Variants in SHISA5 observed in about 807,000 individuals in gnomAD.
The protein encoded by SHISA5 is shisa family member 5.
SHISA5 carries 21 observed loss-of-function variants against 27.5 expected under a neutral mutation model. The observed-to-expected ratio is 0.76, with a 90% CI of 0.54 to 1.10. The LOEUF (loss-of-function observed/expected upper bound fraction) is 1.10, where lower values mean the gene tolerates loss of function less well. Ranked by LOEUF, SHISA5 falls within the 50% of genes least tolerant of loss-of-function variation. The pLI is 0.00. For synonymous variants in SHISA5, 137 were observed against 142.2 expected (o/e 0.96, Z 0.26); for missense variants, 314 against 336.3 (o/e 0.93, Z 0.52).
Position 48,468,431 on chromosome 3 carries a change from A to G in SHISA5, c.*676T>C. 4 of 1,127,584 alleles carry G rather than the reference A, an allele frequency of 3.5e-6. No individual in the cohort carries two copies. The South Asian group carries it at 8.4e-5, about 24-fold the overall frequency. The allele number at this position is 1,127,584 out of a possible 1,614,324, so 69.8% of individuals were successfully genotyped here. ...CCCAGGGGAGATGCGGGGACAGGGG[A>G]CAGTCCAGGCAGACAGGTACAGCTG... On this transcript the variant is annotated 3_prime_UTR_variant, in exon 6 of 6. Coordinates refer to ENST00000296444, the MANE Select transcript of SHISA5 (RefSeq NM_016479.6).
At chr3:48,482,660 G>C (rs2041062032) in intron 2 of SHISA5, among the ~76,000 whole-genome samples, 1 of 151,622 alleles carries the variant, frequency 6.6e-6, no homozygotes, top group Admixed American at 6.6e-5. Flanking sequence ...TTGAGACAGA[G>C]TCTCGTCTCT....
chr3:48,489,285 G>T (rs2041348292), intron 2 of SHISA5, among the ~76,000 whole-genome samples: 1 of 150,874 alleles, frequency 6.6e-6, no homozygotes, highest in Non-Finnish European at 1.5e-5. Context: ...GTGGCCCAGA[G>T]AAGGCAAAAG....
chr3:48,473,380 C>A lies in SHISA5; in HGVS notation c.315-3537G>T. 2.2e-6 allele frequency: 3 copies of A among 1,335,346 alleles called. No homozygotes were observed. Among genetic ancestry groups the A allele is most frequent in the South Asian group, 2.5e-5 (2 of 81,300 alleles). The allele number at this position is 1,335,346 out of a possible 1,614,324, so 82.7% of individuals were successfully genotyped here. A position where few individuals can be genotyped will look rare whatever the true frequency, so the allele number is the denominator to read the frequency against. On this transcript the variant is annotated intron_variant, in intron 3 of 5. Transcript: ENST00000296444. This position sits in a 1 kb window ranked among gnomAD's most constrained non-coding sequence, Gnocchi z 4.3. ...AAGAGCCACCCCAGCCTCAGTGGGCCCCAACCACACTCTAGCTCAGCAGCA... is the reference window on the plus strand; with the variant it reads ...AAGAGCCACCCCAGCCTCAGTGGGCACCAACCACACTCTAGCTCAGCAGCA...
intron 2 of SHISA5, chr3:48,479,524 A>G: frequency 2.0e-6 from 1 of 503,604 alleles, no homozygotes; most frequent in East Asian, 3.0e-5. Flanking sequence ...GATACCATAC[A>G]AAGGATCTTC....
At chr3:48,487,322 A>G (rs150828832) in intron 2 of SHISA5, among the ~76,000 whole-genome samples, 342 of 152,268 alleles carry the variant, frequency 2.2e-3, no homozygotes, top group African/African-American at 7.7e-3. Flanking sequence ...ATAATGTTTT[A>G]TGTATTTTAT....
rs1560138388 is a variant in SHISA5 at position 48,504,119 on chromosome 3, G to A, written c.-25C>T. On this transcript the variant is annotated 5_prime_UTR_variant, in exon 1 of 6. Coordinates refer to ENST00000296444, the MANE Select transcript of SHISA5 (RefSeq NM_016479.6). This position sits in a 1 kb window ranked among gnomAD's most constrained non-coding sequence, Gnocchi z 4.0. The stretch of plus-strand genomic sequence containing the variant: ...TGGCTGGGCGGGCGGACGGGCGGAC[G>A]GACGCGAGCGCCGGGCGCAGTGCCG... 8.3e-7 allele frequency: 1 copy of A among 1,208,690 alleles called. No homozygotes were observed. Among genetic ancestry groups the A allele is most frequent in the African/African-American group, 1.6e-5 (1 of 63,008 alleles). The allele number at this position is 1,208,690 out of a possible 1,614,324, so 74.9% of individuals were successfully genotyped here. A position where few individuals can be genotyped will look rare whatever the true frequency, so the allele number is the denominator to read the frequency against.
intron 2 of SHISA5, 124 bp downstream of exon 2, chr3:48,501,013 A>G: frequency 8.8e-7 from 1 of 1,142,432 alleles, no homozygotes; most frequent in South Asian, 1.6e-5. Flanking sequence ...CCTCTGCTCC[A>G]ATGCTCTGGC....
intron 2 of SHISA5, among the ~76,000 whole-genome samples, chr3:48,490,392 G>C (rs529730191): frequency 6.6e-6 from 1 of 152,184 alleles, no homozygotes; most frequent in Non-Finnish European, 1.5e-5. Flanking sequence ...AGTTTTGAAG[G>C]CCAGGACCAC....
intron 2 of SHISA5, among the ~76,000 whole-genome samples, chr3:48,486,434 A>C (rs1369732310): frequency 9.8e-6 from 1 of 101,892 alleles, no homozygotes; most frequent in Non-Finnish European, 1.8e-5. Flanking sequence ...TATATTTTAT[A>C]TATTTATAAT....
intron 3 of SHISA5, among the ~76,000 whole-genome samples, chr3:48,474,436 A>G (rs1401178903): frequency 6.6e-6 from 1 of 151,402 alleles, no homozygotes; most frequent in Non-Finnish European, 1.5e-5. Context: ...CCCCGGGTTC[A>G]AGTGATTCTC....
At chr3:48,480,635 TG>T (rs1451166386) in intron 2 of SHISA5, among the ~76,000 whole-genome samples, 1 of 152,140 alleles carries the variant, frequency 6.6e-6, no homozygotes, top group Non-Finnish European at 1.5e-5. Flanking sequence ...GGCATGCACC[TG>T]TAATCCCAGT....
chr3:48,471,497 G>C (rs2040613784), intron 3 of SHISA5, among the ~76,000 whole-genome samples: 1 of 143,672 alleles, frequency 7.0e-6, no homozygotes, highest in African/African-American at 2.6e-5. Flanking sequence ...GGAGGTTGTA[G>C]TGAGCCAAGA....
At chr3:48,485,678 T>TA (rs35812277) in intron 2 of SHISA5, among the ~76,000 whole-genome samples, 12,577 of 147,030 alleles carry the variant, frequency 0.086, 969 homozygotes, top group African/African-American at 0.21. Flanking sequence ...ACATATAATA[T>TA]TATATACATT....
At chr3:48,481,571 A>G (rs940975148) in intron 2 of SHISA5, among the ~76,000 whole-genome samples, 2 of 151,970 alleles carry the variant, frequency 1.3e-5, no homozygotes, top group African/African-American at 2.4e-5. Flanking sequence ...AGGGCGGATC[A>G]TGAGATCAGG....
At chr3:48,471,432 G>T (rs1205983901) in intron 3 of SHISA5, among the ~76,000 whole-genome samples, 1 of 96,862 alleles carries the variant, frequency 1.0e-5, no homozygotes, top group Non-Finnish European at 2.1e-5. Context: ...AAATTAGCCG[G>T]TAGTCCCAAC....
At chr3:48,501,072 T>G (rs1402761416) in intron 2 of SHISA5, 65 bp downstream of exon 2, 1 of 1,497,642 alleles carries the variant, frequency 6.7e-7, no homozygotes, top group African/African-American at 1.4e-5. Context: ...CTATCTCTCT[T>G]CCACATACTC....
At chr3:48,498,939 G>A (rs575242636) in intron 2 of SHISA5, among the ~76,000 whole-genome samples, 23 of 151,634 alleles carry the variant, frequency 1.5e-4, no homozygotes, top group African/African-American at 4.6e-4. Flanking sequence ...AAAATTAGCC[G>A]GGCGTGGTGG....
At chr3:48,488,757 C>T (rs2041329890) in intron 2 of SHISA5, among the ~76,000 whole-genome samples, 2 of 148,042 alleles carry the variant, frequency 1.4e-5, no homozygotes, top group African/African-American at 5.0e-5. Context: ...CACTTGAACC[C>T]GGGAGGTGGA....
At chr3:48,502,211 C>T in intron 1 of SHISA5, 1 of 349,946 alleles carries the variant, frequency 2.9e-6, no homozygotes, top group South Asian at 2.1e-5. Context: ...CACTCAACCA[C>T]AGCAACCTCA....
Sources: allele counts gnomAD v4.1 joint callset (sites outside exome capture counted in the v4.1 genomes callset), GRCh38; gene constraint gnomAD v4.1.1; non-coding constraint Gnocchi (gnomAD v3.1); transcripts MANE v1.5; gene names NCBI Gene and HGNC (gene_info 2026-07-23, HGNC 2026-07-21).